STARD9: variants seen among roughly 807,000 people sequenced by gnomAD.
STARD9 encodes StAR related lipid transfer domain containing 9, also known as stAR-related lipid transfer protein 9.
In STARD9, 346 loss-of-function variants were observed where a neutral mutation model predicts 399.8. The observed-to-expected ratio is 0.87, with a 90% CI of 0.79 to 0.95. The LOEUF (loss-of-function observed/expected upper bound fraction) is 0.95, where lower values mean the gene tolerates loss of function less well. STARD9 is among the 40% of genes least tolerant of loss of function. The probability of loss-of-function intolerance (pLI) is 0.00; values close to 1 mark genes in which losing one functional copy is unlikely to be tolerated. For synonymous variants in STARD9, 2,203 were observed against 2,143.5 expected (o/e 1.03, Z -0.77); for missense variants, 5,832 against 5,667.5 (o/e 1.03, Z -0.93).
At position 42,710,911 on chromosome 15, in the gene STARD9, CTCTGTG is replaced by C. The variant is rs748795123; in HGVS notation, c.13285-5764_13285-5759del. Among the ~76,000 whole-genome samples, 310 of 120,292 alleles carry C rather than the reference CTCTGTG, an allele frequency of 2.6e-3. 6 individuals carry two copies. Among genetic ancestry groups the C allele is most frequent in the African/African-American group, 0.018 (297 of 16,344 alleles). 78.9% of individuals were successfully genotyped at this position (120,292 alleles called of 152,430 possible). A position where few individuals can be genotyped will look rare whatever the true frequency, so the allele number is the denominator to read the frequency against. On this transcript the variant is annotated intron_variant, in intron 26 of 32. Coordinates refer to ENST00000290607, the MANE Select transcript of STARD9 (RefSeq NM_020759.3). Reference sequence around the variant, plus strand: ...GTGCGCTCTCTCTCTCTCTCTCTCTCTCTGTGTGTGTGTGTCTGTCTCCCTGTCTGT... The same window carrying C: ...GTGCGCTCTCTCTCTCTCTCTCTCTCTGTGTGTGTCTGTCTCCCTGTCTGT...
chr15:42,594,057 C>T (rs2058456608), intron 3 of STARD9, among the ~76,000 whole-genome samples: 1 of 152,012 alleles, frequency 6.6e-6, no homozygotes, highest in South Asian at 2.1e-4. Flanking sequence ...TGTCAAGGAG[C>T]CCTGAGAGAG....
chr15:42,617,570 T>A (rs1388926940), intron 3 of STARD9, among the ~76,000 whole-genome samples: 1 of 152,132 alleles, frequency 6.6e-6, no homozygotes, highest in East Asian at 1.9e-4. Flanking sequence ...TGTACATAAA[T>A]ATACACAGCT....
chr15:42,693,067 T>C lies in STARD9; in HGVS notation c.11489T>C (p.Leu3830Pro). ...RFQKAPVGQHLPSVSPSVSDA... is the reference protein window; with the variant it reads ...RFQKAPVGQHPPSVSPSVSDA... ...CAGAAAGCCCCCGTTGGGCAGCATC[T>C]TCCTTCTGTGAGCCCCTCAGTTTCT... Residue 3830 changes from leucine to proline, a missense_variant, in exon 23 of 33, where the codon CTT becomes CCT. Physicochemically the swap from Leu to Pro is moderately conservative, Grantham distance 98. Coordinates refer to ENST00000290607, the MANE Select transcript of STARD9 (RefSeq NM_020759.3). The C allele has an allele frequency of 6.5e-7, 1 of 1,537,134 alleles. No individual in the cohort carries two copies. The highest frequency in any genetic ancestry group is 8.7e-7 in the Non-Finnish European group (1 of 1,146,888).
chr15:42,689,976 T>C lies in STARD9; in HGVS notation c.8398T>C (p.Leu2800=), dbSNP rs1039528603. 1 of 1,537,634 alleles carries C rather than the reference T, an allele frequency of 6.5e-7. No individual in the cohort carries two copies. The highest frequency in any genetic ancestry group is 1.4e-5 in the African/African-American group (1 of 73,144). Residue 2800 remains leucine (L), a synonymous_variant, in exon 23 of 33, where the codon TTG becomes CTG. Coordinates refer to ENST00000290607, the MANE Select transcript of STARD9 (RefSeq NM_020759.3). The part of the protein sequence containing the change: ...DTTYGEVSDN[L]LVTAQGEKTA... ...CACATATGGAGAAGTTTCAGATAATTTGTTAGTGACTGCACAGGGAGAAAA... is the reference window on the plus strand; with the variant it reads ...CACATATGGAGAAGTTTCAGATAATCTGTTAGTGACTGCACAGGGAGAAAA...
intron 4 of STARD9, among the ~76,000 whole-genome samples, chr15:42,636,362 C>G (rs2059417722): frequency 1.3e-5 from 2 of 152,090 alleles, no homozygotes; most frequent in African/African-American, 4.8e-5. Context: ...GCGGGCAGAT[C>G]ACAAGGTCAG....
chr15:42,665,661 T>C, intron 14 of STARD9, 125 bp from the exon 15 acceptor site: 1 of 791,570 alleles, frequency 1.3e-6, no homozygotes, highest in Non-Finnish European at 2.0e-6. Flanking sequence ...AGGCTCCTGA[T>C]TTCTTATTTT....
intron 3 of STARD9, among the ~76,000 whole-genome samples, chr15:42,592,442 T>C (rs2058417087): frequency 6.6e-6 from 1 of 152,012 alleles, no homozygotes; most frequent in Non-Finnish European, 1.5e-5. Flanking sequence ...TTCTTTTTCT[T>C]TTTTCTTTTT....
chr15:42,589,952 CTT>C (rs961377203), intron 3 of STARD9, among the ~76,000 whole-genome samples: 15 of 91,964 alleles, frequency 1.6e-4, no homozygotes, highest in African/African-American at 5.5e-4. Flanking sequence ...AACCTTGATT[CTT>C]TTTTTTTTTT....
intron 7 of STARD9, among the ~76,000 whole-genome samples, chr15:42,644,512 T>C (rs997058604): frequency 6.6e-6 from 1 of 151,750 alleles, no homozygotes; most frequent in Non-Finnish European, 1.5e-5. Flanking sequence ...AAAATGTACA[T>C]ACATTAATTT....
chr15:42,702,336 T>C (rs1032604387), intron 26 of STARD9, among the ~76,000 whole-genome samples: 7 of 152,068 alleles, frequency 4.6e-5, no homozygotes, highest in Non-Finnish European at 1.0e-4. Context: ...CCTGAGCAGC[T>C]GGGATTACAG....
chr15:42,688,809 G>T lies in STARD9; in HGVS notation c.7231G>T (p.Val2411Leu). 1 of 1,537,424 alleles carries T rather than the reference G, an allele frequency of 6.5e-7. No homozygotes were observed. Among genetic ancestry groups the T allele is most frequent in the Non-Finnish European group, 8.7e-7 (1 of 1,146,952 alleles). The change falls in exon 23 of 33, where the codon GTG becomes TTG. Residue 2411 changes from valine to leucine, a missense_variant. Transcript: ENST00000290607. Reference protein sequence around the residue: ...SEAHTAWCGSVRSMAMGSHSQ... With the variant: ...SEAHTAWCGSLRSMAMGSHSQ... ...GGCACACACTGCCTGGTGTGGGTCT[G>T]TGCGATCCATGGCCATGGGATCTCA... is the stretch of plus-strand genomic sequence containing the variant.
chr15:42,614,992 C>G (rs1394846163), intron 3 of STARD9, among the ~76,000 whole-genome samples: 1 of 141,760 alleles, frequency 7.1e-6, no homozygotes, highest in Admixed American at 7.4e-5. Context: ...AACAGCAGTT[C>G]ATAAAGATAT....
rs1188809972 is a variant in STARD9 at position 42,694,551 on chromosome 15, TC to T, written c.12789del (p.Arg4264GlyfsTer23). 3.9e-6 allele frequency: 6 copies of T among 1,536,996 alleles called. No individual in the cohort carries two copies. The highest frequency in any genetic ancestry group is 5.2e-6 in the Non-Finnish European group (6 of 1,146,888). ...YARQKKAIETLRRERAERLGN... is the reference protein window; with the variant it reads ...YARQKKAIETXRRERAERLGN... ...AGGCAAAAAAAGGCCATTGAGACCC[TC>T]AGGAGAGAGCGGGCTGAGCGACTTG... On this transcript the variant is annotated frameshift_variant, in exon 24 of 33. Transcript: ENST00000290607. LOFTEE classifies it high-confidence loss of function.
chr15:42,682,420 G>T lies in STARD9; in HGVS notation c.2382G>T (p.Leu794Phe). Residue 794 changes from leucine to phenylalanine, a missense_variant, in exon 22 of 33, where the codon TTG becomes TTT. By Grantham distance (22) the Leu-to-Phe change is conservative (BLOSUM62 0). Around this residue, in one of 2 missense-constraint regions of STARD9, gnomAD observed 5,828 missense variants for 5,651.1 expected, o/e 1.03. Coordinates refer to ENST00000290607, the MANE Select transcript of STARD9 (RefSeq NM_020759.3). ...AQKRLEKLTTLCWLQDDSTQE... is the reference protein window; with the variant it reads ...AQKRLEKLTTFCWLQDDSTQE... ...AGAGACTGGAGAAGCTCACGACATT[G>T]TGCTGGCTCCAGGATGACAGCACCC... The T allele has an allele frequency of 1.3e-6, 2 of 1,537,246 alleles. No homozygotes were observed. Among genetic ancestry groups the T allele is most frequent in the Non-Finnish European group, 1.7e-6 (2 of 1,146,904 alleles).
intron 11 of STARD9, 22 bp downstream of exon 11, chr15:42,662,913 G>A: frequency 6.9e-7 from 1 of 1,446,872 alleles, no homozygotes; most frequent in South Asian, 1.2e-5. Context: ...TAGATAATGG[G>A]AGTGGGAGGG....
chr15:42,634,393 C>G (rs752463235), intron 3 of STARD9, among the ~76,000 whole-genome samples: 1 of 152,172 alleles, frequency 6.6e-6, no homozygotes, highest in Non-Finnish European at 1.5e-5. Flanking sequence ...AAAATAAATG[C>G]ATGTGGAAAA....
At chr15:42,678,045 C>T (rs1004565015) in intron 20 of STARD9, among the ~76,000 whole-genome samples, 4 of 152,210 alleles carry the variant, frequency 2.6e-5, no homozygotes, top group Admixed American at 6.5e-5. Context: ...GCCTCTCCCA[C>T]CCACTGTCTC....
chr15:42,613,385 C>T (rs1421401941), intron 3 of STARD9, among the ~76,000 whole-genome samples: 2 of 152,068 alleles, frequency 1.3e-5, no homozygotes, highest in Non-Finnish European at 2.9e-5. Context: ...ACCAGAGAGA[C>T]CCTAAACTTT....
intron 8 of STARD9, among the ~76,000 whole-genome samples, chr15:42,651,510 G>A (rs529674875): frequency 6.6e-6 from 1 of 152,172 alleles, no homozygotes; most frequent in East Asian, 1.9e-4. Flanking sequence ...AGACTGTTTT[G>A]AATCTGCTAT....
Sources: gnomAD v4.1 joint callset for allele counts (sites outside exome capture counted in the v4.1 genomes callset) on GRCh38, gnomAD v4.1.1 for gene constraint, gnomAD v4.1.1 regional missense constraint, MANE v1.5 for transcripts, NCBI Gene and HGNC (gene_info 2026-07-23, HGNC 2026-07-21) for gene names.